Variants in DAW1 observed in about 807,000 individuals in gnomAD.
The protein encoded by DAW1 is dynein assembly factor with WD repeats 1.
Under a neutral mutation model 56.5 loss-of-function variants are expected in DAW1, and 47 were observed. The observed-to-expected ratio is 0.83, with a 90% confidence interval of 0.66 to 1.06. The LOEUF (loss-of-function observed/expected upper bound fraction) is 1.06, where lower values mean the gene tolerates loss of function less well. DAW1 is among the 50% of genes least tolerant of loss of function. DAW1 has a pLI of 0.00. For synonymous variants in DAW1, 190 were observed against 179.0 expected (o/e 1.06, Z -0.49); for missense variants, 505 against 499.3 (o/e 1.01, Z -0.11).
rs1305515737 is a variant in DAW1 at position 227,906,302 on chromosome 2, T to G, written c.822T>G (p.Ser274=). ...GTGCCTCATTCAATTGGGATTGCTC[T>G]CTAATATTAACTGGCTCTATGGACA... ...ISSASFNWDC[S]LILTGSMDKT... is the part of the protein sequence containing the mutation. The change falls in exon 9 of 13, where the codon TCT becomes TCG. Residue 274 remains serine (S), a synonymous_variant. Coordinates refer to ENST00000309931, the MANE Select transcript of DAW1 (RefSeq NM_178821.3). 6.2e-7 allele frequency: 1 copy of G among 1,612,596 alleles called. No individual in the cohort carries two copies. The highest frequency in any genetic ancestry group is 8.5e-7 in the Non-Finnish European group (1 of 1,179,114).
In DAW1 at chr2:227,891,319, A is replaced by C. The variant is rs1180670858; in HGVS notation, c.317+6A>C. ...CTTAACAAATCGGGCTCATGGTAAGATTCTCTTTTTATGTCTAATTTTTAG... is the reference window on the plus strand; with the variant it reads ...CTTAACAAATCGGGCTCATGGTAAGCTTCTCTTTTTATGTCTAATTTTTAG... On this transcript the variant is annotated splice_donor_region_variant and intron_variant, in intron 4 of 12. Transcript: ENST00000309931. 15 of 1,612,412 alleles carry C rather than the reference A, an allele frequency of 9.3e-6. No individual in the cohort carries two copies. Among genetic ancestry groups the C allele is most frequent in the Non-Finnish European group, 1.2e-5 (14 of 1,179,036 alleles).
intron 12 of DAW1, among the ~76,000 whole-genome samples, chr2:227,921,994 A>G (rs1200199841): frequency 6.6e-6 from 1 of 152,218 alleles, no homozygotes; most frequent in Non-Finnish European, 1.5e-5. Flanking sequence ...TCTACAAAAA[A>G]AATAGAGCAT....
chr2:227,878,003 C>G (rs1690925122), intron 1 of DAW1, among the ~76,000 whole-genome samples: 1 of 152,236 alleles, frequency 6.6e-6, no homozygotes, highest in South Asian at 2.1e-4. Context: ...TAGTAGTCAG[C>G]TTGAAGACTT....
chr2:227,923,061 C>G (rs1198355708), intron 12 of DAW1, among the ~76,000 whole-genome samples: 1 of 152,164 alleles, frequency 6.6e-6, no homozygotes, highest in African/African-American at 2.4e-5. Flanking sequence ...TTGTGCCTTG[C>G]GTTGGTGCCA....
chr2:227,893,923 T>C lies in DAW1; in HGVS notation c.440+6T>C, dbSNP rs760101563. The stretch of plus-strand genomic sequence containing the variant: ...GCATTCAACAATCCTTACGGGTGTG[T>C]TCATCCCTTCACTTATTTGTTTATT... On this transcript the variant is annotated splice_donor_region_variant and intron_variant, in intron 5 of 12. Transcript: ENST00000309931. The C allele has an allele frequency of 6.3e-7, 1 of 1,577,902 alleles. No individual in the cohort carries two copies. The highest frequency in any genetic ancestry group is 1.4e-5 in the African/African-American group (1 of 73,308).
chr2:227,912,598 C>CAAA, intron 10 of DAW1: 2 of 1,163,474 alleles, frequency 1.7e-6, no homozygotes, highest in Non-Finnish European at 1.1e-6. Context: ...TCAGTGATGA[C>CAAA]CGCCTATTCT....
At chr2:227,920,979 C>T (rs1024872871) in intron 11 of DAW1, among the ~76,000 whole-genome samples, 6 of 151,972 alleles carry the variant, frequency 3.9e-5, no homozygotes, top group African/African-American at 1.4e-4. Flanking sequence ...GCCCCTGGCC[C>T]GGATCTGTGT....
chr2:227,888,856 A>G (rs1418148628), intron 2 of DAW1, among the ~76,000 whole-genome samples: 1 of 152,210 alleles, frequency 6.6e-6, no homozygotes, highest in East Asian at 1.9e-4. Context: ...ATGCTAGAGA[A>G]AATTTGAATC....
chr2:227,879,643 G>C (rs958078812), intron 1 of DAW1, among the ~76,000 whole-genome samples: 4 of 151,588 alleles, frequency 2.6e-5, no homozygotes, highest in African/African-American at 9.7e-5. Flanking sequence ...ATATTATCTA[G>C]AATATTTTAT....
At chr2:227,883,235 G>A (rs1465858523) in intron 1 of DAW1, among the ~76,000 whole-genome samples, 1 of 152,156 alleles carries the variant, frequency 6.6e-6, no homozygotes, top group Non-Finnish European at 1.5e-5. Context: ...AAAAGTATAA[G>A]TTCAGAAAAC....
At chr2:227,913,941 T>C (rs1691891605) in intron 10 of DAW1, among the ~76,000 whole-genome samples, 1 of 150,594 alleles carries the variant, frequency 6.6e-6, no homozygotes, top group Non-Finnish European at 1.5e-5. Flanking sequence ...ATCATCATCA[T>C]CATCATCATC....
Position 227,911,264 on chromosome 2 carries a change from A to ATC in DAW1, c.973+4013_973+4014insCT. Among the ~76,000 whole-genome samples, 2 of 146,194 alleles carry ATC rather than the reference A, an allele frequency of 1.4e-5. 1 individual carries two copies. Among genetic ancestry groups the ATC allele is most frequent in the Non-Finnish European group, 3.0e-5 (2 of 66,508 alleles). On this transcript the variant is annotated intron_variant, in intron 10 of 12. Transcript: ENST00000309931. ...CATATATACATATATACACGTGTAT[A>ATC]TACACATATACACGTGTATATATAC...
At chr2:227,891,573 G>A (rs76427538) in intron 4 of DAW1, among the ~76,000 whole-genome samples, 10,399 of 152,146 alleles carry the variant, frequency 0.068, 369 homozygotes, top group Middle Eastern at 0.099. Flanking sequence ...GGAATGAGTC[G>A]GGCAGGGTGG....
intron 4 of DAW1, among the ~76,000 whole-genome samples, chr2:227,891,523 T>A (rs1691268095): frequency 6.6e-6 from 1 of 152,210 alleles, no homozygotes; most frequent in South Asian, 2.1e-4. Context: ...GGAGGCATAT[T>A]GGGTTCTCAG....
chr2:227,899,865 G>A (rs374775731), intron 6 of DAW1, among the ~76,000 whole-genome samples: 22 of 152,298 alleles, frequency 1.4e-4, no homozygotes, highest in African/African-American at 5.1e-4. Flanking sequence ...TTGAGGATAA[G>A]GAAAGTACCT....
At chr2:227,874,110 G>A (rs1690818804) in intron 1 of DAW1, among the ~76,000 whole-genome samples, 1 of 152,184 alleles carries the variant, frequency 6.6e-6, no homozygotes, top group South Asian at 2.1e-4. Flanking sequence ...ATAGGCCTGT[G>A]CTGGTTCCCA....
intron 10 of DAW1, among the ~76,000 whole-genome samples, chr2:227,918,191 C>CCAT (rs571231547): frequency 0.17 from 24,755 of 146,046 alleles, 2,349 homozygotes; most frequent in Middle Eastern, 0.23. Flanking sequence ...ATCCATCCAT[C>CCAT]CATCCATCCA....
intron 1 of DAW1, among the ~76,000 whole-genome samples, chr2:227,881,554 T>C (rs1691009242): frequency 6.6e-6 from 1 of 152,150 alleles, no homozygotes; most frequent in Admixed American, 6.5e-5. Flanking sequence ...ATCATTTGAT[T>C]AATAGCTAGA....
intron 2 of DAW1, among the ~76,000 whole-genome samples, chr2:227,887,453 A>G (rs1197123815): frequency 3.3e-5 from 5 of 152,196 alleles, no homozygotes; most frequent in African/African-American, 1.2e-4. Flanking sequence ...ATAAGAGGCT[A>G]TAAAGATATT....
Sources: gnomAD v4.1 joint callset for allele counts (sites outside exome capture counted in the v4.1 genomes callset) on GRCh38, gnomAD v4.1.1 for gene constraint, MANE v1.5 for transcripts, NCBI Gene and HGNC (gene_info 2026-07-23, HGNC 2026-07-21) for gene names.